ANGEL2: variants seen among roughly 807,000 people sequenced by gnomAD.
ANGEL2 encodes the protein RNA 2',3'-cyclic phosphatase ANGEL2.
In ANGEL2, 41 loss-of-function variants were observed where a neutral mutation model predicts 66.0. The ratio of observed to expected loss-of-function variants is 0.62; its 90% confidence interval spans 0.48 to 0.81. The LOEUF is 0.81. ANGEL2 is among the 30% of genes least tolerant of loss of function. The probability of loss-of-function intolerance (pLI) is 0.00; values close to 1 mark genes in which losing one functional copy is unlikely to be tolerated. For synonymous variants in ANGEL2, 208 were observed against 226.5 expected, an observed-to-expected ratio of 0.92 and a Z score of 0.73; for missense variants, 561 against 641.6, an observed-to-expected ratio of 0.87 and a Z score of 1.36.
At chr1:212,996,646 T>C (rs376959912) in intron 8 of ANGEL2, among the ~76,000 whole-genome samples, 3 of 85,586 alleles carry the variant, frequency 3.5e-5, no homozygotes, top group African/African-American at 1.2e-4. Flanking sequence ...AAAAAATATA[T>C]ATATATATAT....
Sources: gnomAD v4.1 joint callset for allele counts (sites outside exome capture counted in the v4.1 genomes callset) on GRCh38, gnomAD v4.1.1 for gene constraint, MANE v1.5 for transcripts, NCBI Gene and HGNC (gene_info 2026-07-23, HGNC 2026-07-21) for gene names.